The following PTK2 variants were observed in gnomAD, a reference collection of about 807,000 sequenced individuals.
PTK2 encodes the protein protein tyrosine kinase 2.
PTK2 carries 45 observed loss-of-function variants against 150.1 expected under a neutral mutation model. The observed-to-expected ratio is 0.30, with a 90% CI of 0.24 to 0.38. PTK2 has a LOEUF of 0.38. PTK2 is among the 10% of genes least tolerant of loss of function. The probability of loss-of-function intolerance (pLI) is 1.00; values close to 1 mark genes in which losing one functional copy is unlikely to be tolerated. For synonymous variants in PTK2, 432 were observed against 449.2 expected, an observed-to-expected ratio of 0.96 and a Z score of 0.48; for missense variants, 919 against 1,307.3, an observed-to-expected ratio of 0.70 and a Z score of 4.58.
chr8:140,868,373 T>C (rs1301005199), intron 4 of PTK2, among the ~76,000 whole-genome samples: 2 of 152,162 alleles, frequency 1.3e-5, no homozygotes, highest in African/African-American at 2.4e-5. Context: ...AGAATGGAAA[T>C]AGAAATTTAT....
At chr8:140,683,940 G>A (rs1250994855) in intron 27 of PTK2, among the ~76,000 whole-genome samples, 3 of 152,138 alleles carry the variant, frequency 2.0e-5, no homozygotes, top group Admixed American at 2.0e-4. Context: ...CTCCCCTGAA[G>A]AACTGAAACA....
intron 1 of PTK2, among the ~76,000 whole-genome samples, chr8:140,955,763 C>T (rs2100180990): frequency 6.6e-6 from 1 of 152,094 alleles, no homozygotes; most frequent in African/African-American, 2.4e-5. Flanking sequence ...CACTAAGAAC[C>T]AATTCCATTT....
chr8:140,764,060 T>C (rs1301744737), intron 15 of PTK2, 174 bp downstream of exon 17: 2 of 655,194 alleles, frequency 3.1e-6, no homozygotes, highest in South Asian at 2.0e-5. Flanking sequence ...CTTCTGACCT[T>C]AGAGTGGGCA....
At chr8:140,786,666 C>T (rs1384665940) in intron 14 of PTK2, among the ~76,000 whole-genome samples, 1 of 152,024 alleles carries the variant, frequency 6.6e-6, no homozygotes, top group Non-Finnish European at 1.5e-5. Flanking sequence ...ATATACCACA[C>T]TTGTTTCTCT....
rs114441800 is a variant in PTK2, at chr8:140,872,490, C to T, written c.362+6981G>A. ...CTCCTAACAAATACTACCTACTTAACTGGGCTCTCCCAGCATCCTAGAAAC... is the reference window on the plus strand; with the variant it reads ...CTCCTAACAAATACTACCTACTTAATTGGGCTCTCCCAGCATCCTAGAAAC... On this transcript the variant is annotated intron_variant, in intron 4 of 31. Coordinates refer to ENST00000522684, the Ensembl canonical transcript of PTK2. Among the ~76,000 whole-genome samples the T allele has an allele frequency of 7.7e-3, 1,180 of 152,356 alleles. 16 individuals are homozygous for T. Among genetic ancestry groups the T allele is most frequent in the African/African-American group, 0.026 (1,099 of 41,582 alleles).
chr8:140,927,975 A>ATATATAG (rs1367767247), intron 1 of PTK2, among the ~76,000 whole-genome samples: 1 of 48,196 alleles, frequency 2.1e-5, no homozygotes, highest in Non-Finnish European at 3.4e-5. Context: ...AAAAAAAAAA[A>ATATATAG]ATATATATAT....
At chr8:140,702,128 CAAAAAAAAAAAAA>C (rs749591009) in intron 25 of PTK2, among the ~76,000 whole-genome samples, 2 of 42,714 alleles carry the variant, frequency 4.7e-5, no homozygotes, top group Non-Finnish European at 7.9e-5. Context: ...ACTCTGTCTC[CAAAAAAAAAAAAA>C]AAAAAAAAAA....
At chr8:140,864,619 CAG>C (rs2100138208) in intron 4 of PTK2, among the ~76,000 whole-genome samples, 2 of 152,164 alleles carry the variant, frequency 1.3e-5, no homozygotes, top group African/African-American at 2.4e-5. Context: ...TTCAAGGAAA[CAG>C]AGCATAGTAA....
At chr8:140,858,646 C>G (rs2100134264) in intron 5 of PTK2, among the ~76,000 whole-genome samples, 2 of 151,974 alleles carry the variant, frequency 1.3e-5, no homozygotes, top group African/African-American at 2.4e-5. Flanking sequence ...AATGCCTACC[C>G]TGATTTGTGT....
chr8:140,971,617 A>G (rs916696940), intron 1 of PTK2, among the ~76,000 whole-genome samples: 2 of 152,244 alleles, frequency 1.3e-5, no homozygotes, highest in Admixed American at 6.5e-5. Context: ...ATTTAAGTTT[A>G]CAAAGGAAAA....
intron 13 of PTK2, among the ~76,000 whole-genome samples, chr8:140,790,273 A>G (rs1022524940): frequency 6.6e-6 from 1 of 152,210 alleles, no homozygotes. Context: ...TATAGGTTGA[A>G]TATCTCTTAT....
At chr8:140,798,424 T>C (rs909449705) in intron 12 of PTK2, among the ~76,000 whole-genome samples, 3 of 152,160 alleles carry the variant, frequency 2.0e-5, no homozygotes, top group Admixed American at 6.5e-5. Context: ...ATAAAGACAA[T>C]ATAAAATTGG....
At chr8:140,891,139 CT>C (rs2100154120) in intron 2 of PTK2, among the ~76,000 whole-genome samples, 1 of 146,804 alleles carries the variant, frequency 6.8e-6, no homozygotes, top group African/African-American at 2.5e-5. Context: ...TTGCTCCCTG[CT>C]TTTGAAAACT....
At chr8:140,702,128 C>CAAA (rs749591009) in intron 25 of PTK2, among the ~76,000 whole-genome samples, 115 of 42,708 alleles carry the variant, frequency 2.7e-3, no homozygotes, top group Admixed American at 3.7e-3. Context: ...ACTCTGTCTC[C>CAAA]AAAAAAAAAA....
At chr8:140,853,606 T>C (rs907398837) in intron 5 of PTK2, among the ~76,000 whole-genome samples, 6 of 152,122 alleles carry the variant, frequency 3.9e-5, no homozygotes, top group Admixed American at 1.3e-4. Flanking sequence ...GACATTTGGG[T>C]TGGTTCCAAG....
At chr8:140,706,244 G>T in intron 23 of PTK2, 39 bp from the exon 27 acceptor site, 1 of 1,466,344 alleles carries the variant, frequency 6.8e-7, no homozygotes, top group South Asian at 1.1e-5. Flanking sequence ...TGAACCTTTT[G>T]ATTTTGACAA....
chr8:140,827,883 G>A (rs1009353430), intron 8 of PTK2, among the ~76,000 whole-genome samples: 1 of 152,090 alleles, frequency 6.6e-6, no homozygotes, highest in East Asian at 1.9e-4. Context: ...ATTAAAAATT[G>A]AGGCCAGGCA....
intron 4 of PTK2, among the ~76,000 whole-genome samples, chr8:140,869,468 T>A (rs1309562125): frequency 2.6e-5 from 4 of 152,184 alleles, no homozygotes; most frequent in African/African-American, 9.7e-5. Context: ...TCAGGGAGAC[T>A]GTGACTGATC....
chr8:140,667,456 C>A (rs2092923198), intron 30 of PTK2, among the ~76,000 whole-genome samples: 1 of 73,176 alleles, frequency 1.4e-5, no homozygotes, highest in Non-Finnish European at 4.2e-5. Flanking sequence ...TTCTTTCTCT[C>A]TCTCTCTCTC....
Sources: gnomAD v4.1 joint callset for allele counts (sites outside exome capture counted in the v4.1 genomes callset) on GRCh38, gnomAD v4.1.1 for gene constraint, MANE v1.5 for transcripts, NCBI Gene and HGNC (gene_info 2026-07-23, HGNC 2026-07-21) for gene names.